Variants in AKAP6 observed in about 807,000 individuals in gnomAD.
The protein encoded by AKAP6 is A-kinase anchor protein 6.
In AKAP6, 58 loss-of-function variants were observed where a neutral mutation model predicts 188.5. The ratio of observed to expected loss-of-function variants is 0.31; its 90% CI spans 0.25 to 0.38. The LOEUF is 0.38. AKAP6 is among the 10% of genes least tolerant of loss of function. The pLI, the probability that AKAP6 is intolerant of heterozygous loss-of-function variation, is 1.00. For synonymous variants in AKAP6, 989 were observed against 998.6 expected, an observed-to-expected ratio of 0.99 and a Z score of 0.18; for missense variants, 2,710 against 2,740.0, an observed-to-expected ratio of 0.99 and a Z score of 0.24.
At chr14:32,728,023 C>T (rs1052690492) in intron 9 of AKAP6, among the ~76,000 whole-genome samples, 4 of 152,132 alleles carry the variant, frequency 2.6e-5, no homozygotes, top group Non-Finnish European at 5.9e-5. Context: ...TGGCAGATTC[C>T]TGCACTCCGC....
intron 1 of AKAP6, among the ~76,000 whole-genome samples, chr14:32,357,170 A>T (rs1045391049): frequency 6.6e-6 from 1 of 152,226 alleles, no homozygotes; most frequent in African/African-American, 2.4e-5. Context: ...AATCACTGTC[A>T]TATAGTTCAC....
intron 4 of AKAP6, among the ~76,000 whole-genome samples, chr14:32,547,427 A>G (rs1307573891): frequency 2.0e-5 from 3 of 152,130 alleles, no homozygotes; most frequent in African/African-American, 7.2e-5. Flanking sequence ...CACATCTCCA[A>G]TGTTAACTTC....
At chr14:32,461,740 T>C (rs1416036000) in intron 2 of AKAP6, among the ~76,000 whole-genome samples, 1 of 152,036 alleles carries the variant, frequency 6.6e-6, no homozygotes, top group Non-Finnish European at 1.5e-5. Context: ...ATTGACAAAT[T>C]GACAGAAGTA....
intron 11 of AKAP6, among the ~76,000 whole-genome samples, chr14:32,742,045 C>A (rs1013715242): frequency 1.3e-5 from 2 of 151,658 alleles, no homozygotes; most frequent in African/African-American, 4.8e-5. Flanking sequence ...TGGCTTCAAT[C>A]TCATTACTTG....
chr14:32,583,892 GA>G (rs1191405633), intron 5 of AKAP6, among the ~76,000 whole-genome samples: 1 of 152,204 alleles, frequency 6.6e-6, no homozygotes, highest in African/African-American at 2.4e-5. Context: ...TCCTTTCTTT[GA>G]CTAGGAAAGG....
intron 6 of AKAP6, among the ~76,000 whole-genome samples, chr14:32,600,005 AC>A (rs752837092): frequency 6.6e-6 from 1 of 152,170 alleles, no homozygotes; most frequent in Non-Finnish European, 1.5e-5. Context: ...ACCAATTCTT[AC>A]CCCAGTATTA....
chr14:32,567,125 TG>T (rs1330010482), intron 4 of AKAP6, among the ~76,000 whole-genome samples: 1 of 152,130 alleles, frequency 6.6e-6, no homozygotes, highest in Non-Finnish European at 1.5e-5. Flanking sequence ...CTCACCATAT[TG>T]CCCAGGCTGG....
intron 11 of AKAP6, among the ~76,000 whole-genome samples, chr14:32,765,376 C>A (rs2139962104): frequency 6.6e-6 from 1 of 152,264 alleles, no homozygotes; most frequent in South Asian, 2.1e-4. Context: ...CATTTTTGCA[C>A]TGATACTAAC....
At chr14:32,457,472 G>A (rs1891183807) in intron 2 of AKAP6, among the ~76,000 whole-genome samples, 1 of 152,098 alleles carries the variant, frequency 6.6e-6, no homozygotes, top group Non-Finnish European at 1.5e-5. Context: ...TATGGTGAGA[G>A]TATTCCCTCT....
intron 12 of AKAP6, among the ~76,000 whole-genome samples, chr14:32,797,637 G>C (rs1040798466): frequency 6.6e-6 from 1 of 152,044 alleles, no homozygotes; most frequent in Non-Finnish European, 1.5e-5. Flanking sequence ...AGTGAGAGGA[G>C]AGGGAGAGCA....
At chr14:32,705,964 T>C (rs1292622626) in intron 9 of AKAP6, among the ~76,000 whole-genome samples, 2 of 152,132 alleles carry the variant, frequency 1.3e-5, no homozygotes, top group Non-Finnish European at 2.9e-5. Context: ...CAAAATTTTT[T>C]GGCCAGAACT....
intron 12 of AKAP6, among the ~76,000 whole-genome samples, chr14:32,776,461 T>C (rs1254360183): frequency 6.6e-6 from 1 of 152,224 alleles, no homozygotes; most frequent in Admixed American, 6.5e-5. Flanking sequence ...CACATGGAAC[T>C]GTGAGTTCAT....
At chr14:32,709,684 C>G (rs887841422) in intron 9 of AKAP6, among the ~76,000 whole-genome samples, 1 of 152,038 alleles carries the variant, frequency 6.6e-6, no homozygotes, top group Admixed American at 6.6e-5. Context: ...AATTCCACAG[C>G]CTTCCATTAA....
intron 1 of AKAP6, among the ~76,000 whole-genome samples, chr14:32,353,379 G>A (rs1220250786): frequency 1.3e-5 from 2 of 152,140 alleles, no homozygotes; most frequent in Admixed American, 1.3e-4. Context: ...GGCTAACACG[G>A]TGAAACCCTG....
At chr14:32,780,441 C>G (rs527236980) in intron 12 of AKAP6, among the ~76,000 whole-genome samples, 7 of 152,250 alleles carry the variant, frequency 4.6e-5, no homozygotes, top group African/African-American at 1.7e-4. Context: ...ATCTAGAGAT[C>G]TAATGTACAA....
At chr14:32,679,052 A>G (rs1270796697) in intron 8 of AKAP6, among the ~76,000 whole-genome samples, 1 of 152,196 alleles carries the variant, frequency 6.6e-6, no homozygotes, top group Non-Finnish European at 1.5e-5. Context: ...TTTATATTAT[A>G]CTAACTATTC....
intron 3 of AKAP6, among the ~76,000 whole-genome samples, chr14:32,541,707 A>T (rs912634122): frequency 6.6e-6 from 1 of 152,202 alleles, no homozygotes; most frequent in Non-Finnish European, 1.5e-5. Context: ...CCATCGTTTT[A>T]TAATACTATT....
chr14:32,704,517 A>C (rs980479526), intron 9 of AKAP6, among the ~76,000 whole-genome samples: 2 of 152,190 alleles, frequency 1.3e-5, no homozygotes, highest in African/African-American at 4.8e-5. Flanking sequence ...TAGTGACTTC[A>C]TAGCAGTGAC....
intron 1 of AKAP6, among the ~76,000 whole-genome samples, chr14:32,415,064 A>G (rs184285450): frequency 9.2e-5 from 14 of 152,364 alleles, no homozygotes; most frequent in African/African-American, 3.4e-4. Context: ...GGACAGAGAC[A>G]TAACTGGCAA....
Sources: allele counts gnomAD v4.1 joint callset (sites outside exome capture counted in the v4.1 genomes callset), GRCh38; gene constraint gnomAD v4.1.1; transcripts MANE v1.5; gene names NCBI Gene and HGNC (gene_info 2026-07-23, HGNC 2026-07-21).